Variants in ARFGEF1 observed in about 807,000 individuals in gnomAD.
The protein encoded by ARFGEF1 is ARF guanine nucleotide exchange factor 1, also known as brefeldin A-inhibited guanine nucleotide-exchange protein 1.
ARFGEF1 carries 42 observed loss-of-function variants against 231.0 expected under a neutral mutation model. The observed-to-expected ratio is 0.18, with a 90% confidence interval of 0.14 to 0.24. The LOEUF (loss-of-function observed/expected upper bound fraction) is 0.24. ARFGEF1 is among the 10% of genes least tolerant of loss of function. The probability of loss-of-function intolerance (pLI) is 1.00; values close to 1 mark genes in which losing one functional copy is unlikely to be tolerated. For missense variants in ARFGEF1, 1,345 were observed against 2,192.0 expected, an observed-to-expected ratio of 0.61 and a Z score of 7.72; for synonymous variants, 710 against 732.3, an observed-to-expected ratio of 0.97 and a Z score of 0.49.
chr8:67,303,389 G>C (rs185295913), intron 1 of ARFGEF1, among the ~76,000 whole-genome samples: 33 of 152,126 alleles, frequency 2.2e-4, no homozygotes, highest in Admixed American at 9.8e-4. Flanking sequence ...AGATAAATTA[G>C]ACAAATCCTA....
At chr8:67,291,752 AATC>A in intron 6 of ARFGEF1, 92 bp downstream of exon 6, 1 of 1,462,748 alleles carries the variant, frequency 6.8e-7, no homozygotes, top group Non-Finnish European at 9.2e-7. Flanking sequence ...ACACTTATTA[AATC>A]ATATTATCCT....
At chr8:67,296,319 A>G in intron 5 of ARFGEF1, 112 bp downstream of exon 5, 1 of 1,002,140 alleles carries the variant, frequency 1.0e-6, no homozygotes, top group Non-Finnish European at 1.4e-6. Flanking sequence ...AATGTAAATA[A>G]AAGACATTCT....
chr8:67,264,852 T>C (rs1369841924), intron 14 of ARFGEF1, among the ~76,000 whole-genome samples: 1 of 152,216 alleles, frequency 6.6e-6, no homozygotes, highest in East Asian at 1.9e-4. Context: ...GACACTCTTT[T>C]ATAAACATTT....
chr8:67,291,095 C>T (rs1271396792), intron 6 of ARFGEF1, among the ~76,000 whole-genome samples: 2 of 152,082 alleles, frequency 1.3e-5, no homozygotes, highest in Non-Finnish European at 2.9e-5. Context: ...GGAGAGGCAA[C>T]AGAATTCTCA....
At chr8:67,195,396 C>T, downstream of ARFGEF1, 1 of 1,613,758 alleles carries the variant, frequency 6.2e-7, no homozygotes, top group Non-Finnish European at 8.5e-7. Flanking sequence ...TGAGAGTTCA[C>T]TGGTTGACCC....
chr8:67,188,733 A>C (rs2129574728), intron 5 of ARFGEF1, among the ~76,000 whole-genome samples: 1 of 152,164 alleles, frequency 6.6e-6, no homozygotes, highest in African/African-American at 2.4e-5. Flanking sequence ...TGTCCTCTAC[A>C]CTTCTGATCC....
downstream of ARFGEF1, among the ~76,000 whole-genome samples, chr8:67,197,400 G>A (rs1838087743): frequency 6.6e-6 from 1 of 152,164 alleles, no homozygotes; most frequent in Non-Finnish European, 1.5e-5. Flanking sequence ...AGTGAGCTGT[G>A]CTCATACCAC....
downstream of ARFGEF1, chr8:67,173,612 C>A (rs145835036): frequency 1.3e-5 from 2 of 151,776 alleles, no homozygotes; most frequent in African/African-American, 4.9e-5. Flanking sequence ...TATGTAAGTA[C>A]CATTATCATT....
At chr8:67,294,472 A>G (rs1176774545) in intron 5 of ARFGEF1, among the ~76,000 whole-genome samples, 1 of 152,184 alleles carries the variant, frequency 6.6e-6, no homozygotes, top group Non-Finnish European at 1.5e-5. Flanking sequence ...AGACAAAAAA[A>G]CCTGAATATA....
intron 30 of ARFGEF1, 25 bp from the exon 31 acceptor site, chr8:67,218,163 C>G: frequency 8.0e-7 from 1 of 1,252,390 alleles, no homozygotes; most frequent in Middle Eastern, 2.2e-4. Context: ...CATTAATGAA[C>G]ATCACGCCAT....
chr8:67,307,616 G>A (rs1376266424), intron 1 of ARFGEF1, among the ~76,000 whole-genome samples: 1 of 152,204 alleles, frequency 6.6e-6, no homozygotes. Flanking sequence ...AGGGGTAGGA[G>A]TGAAGAAGAG....
intron 9 of ARFGEF1, among the ~76,000 whole-genome samples, chr8:67,275,253 A>AG (rs1805264311): frequency 6.6e-6 from 1 of 151,048 alleles, no homozygotes; most frequent in African/African-American, 2.4e-5. Flanking sequence ...GCAATATTAG[A>AG]GGTGGGCGAC....
chr8:67,294,480 A>G (rs758817551), intron 5 of ARFGEF1, among the ~76,000 whole-genome samples: 10 of 152,242 alleles, frequency 6.6e-5, no homozygotes, highest in Non-Finnish European at 1.0e-4. Context: ...AAACCTGAAT[A>G]TAAATGCTAT....
intron 34 of ARFGEF1, among the ~76,000 whole-genome samples, chr8:67,206,410 T>TAAAAA (rs747164390): frequency 1.2e-4 from 12 of 102,028 alleles, no homozygotes; most frequent in African/African-American, 4.3e-4. Context: ...ATTTTATCTT[T>TAAAAA]AAAAAAAAAA....
At chr8:67,210,312 T>C (rs1399522264) in intron 34 of ARFGEF1, among the ~76,000 whole-genome samples, 2 of 149,954 alleles carry the variant, frequency 1.3e-5, no homozygotes, top group Admixed American at 1.3e-4. Context: ...ACCCTGTCCC[T>C]ACAAAAAAAT....
At chr8:67,181,610 C>G (rs182088154) in intron 5 of ARFGEF1, among the ~76,000 whole-genome samples, 1 of 152,142 alleles carries the variant, frequency 6.6e-6, no homozygotes, top group East Asian at 1.9e-4. Context: ...TTAACCACTG[C>G]TCTAAGGAAT....
chr8:67,224,326 G>A (rs775487439), intron 29 of ARFGEF1, among the ~76,000 whole-genome samples: 48 of 152,136 alleles, frequency 3.2e-4, no homozygotes, highest in Non-Finnish European at 6.8e-4. Flanking sequence ...CATGTGAGCC[G>A]TGACCTAAGA....
At chr8:67,232,213 G>T (rs1587094924) in intron 23 of ARFGEF1, among the ~76,000 whole-genome samples, 1 of 151,756 alleles carries the variant, frequency 6.6e-6, no homozygotes, top group East Asian at 1.9e-4. Flanking sequence ...GGAAGAAAAA[G>T]AAAAAACATT....
intron 15 of ARFGEF1, among the ~76,000 whole-genome samples, chr8:67,258,639 T>C (rs1450183851): frequency 6.6e-6 from 1 of 152,152 alleles, no homozygotes; most frequent in Non-Finnish European, 1.5e-5. Flanking sequence ...GAGATTTTCA[T>C]GAGATGTTTA....
Sources: allele counts gnomAD v4.1 joint callset (sites outside exome capture counted in the v4.1 genomes callset), GRCh38; gene constraint gnomAD v4.1.1; transcripts MANE v1.5; gene names NCBI Gene and HGNC (gene_info 2026-07-23, HGNC 2026-07-21).